Variants in ATXN1 observed in about 807,000 individuals in gnomAD.
ATXN1 encodes the protein ataxin 1.
ATXN1 carries 8 observed loss-of-function variants against 56.4 expected under a neutral mutation model. That is an observed-to-expected ratio of 0.14 (90% CI 0.08 to 0.26). The LOEUF (loss-of-function observed/expected upper bound fraction) is 0.26. Among genes scored for constraint, ATXN1 ranks in the 10% least tolerant of loss-of-function variants. ATXN1 has a pLI of 1.00. For synonymous variants in ATXN1, 514 were observed against 494.6 expected, an observed-to-expected ratio of 1.04 and a Z score of -0.52; for missense variants, 987 against 1,106.5, an observed-to-expected ratio of 0.89 and a Z score of 1.53.
rs1395417495 is a variant in ATXN1, at chr6:16,306,676, C to T, written c.2101G>A (p.Val701Met). 2.5e-6 allele frequency: 4 copies of T among 1,614,074 alleles called. No homozygotes were observed. The highest frequency in any genetic ancestry group is 1.1e-5 in the South Asian group (1 of 91,096). The stretch of plus-strand genomic sequence containing the variant: ...TTCAGCAGGACGCTGGCGGGATCCA[C>T]GGGCTGGCCCTTTTTAACAGAGCCG... The part of the protein sequence containing the change: ...KNGSVKKGQP[V>M]DPASVLLKHS... The change falls in exon 8 of 8, where the codon GTG becomes ATG. Residue 701 changes from valine to methionine, a missense_variant. By Grantham distance (21) the Val-to-Met change is conservative. This residue lies in a region of ATXN1 where 196 missense variants were observed against 196.7 expected (regional missense o/e 1.00). Transcript: ENST00000436367. The surrounding 1 kb of genome is among the most constrained non-coding windows in gnomAD (Gnocchi z 5.2).
At chr6:16,609,947 AT>A (rs971110348) in intron 3 of ATXN1, among the ~76,000 whole-genome samples, 11 of 151,942 alleles carry the variant, frequency 7.2e-5, no homozygotes, top group Non-Finnish European at 1.3e-4. Context: ...AAAAATTAGG[AT>A]TTTTTTTCAA....
Position 16,302,658 on chromosome 6 carries a change from CTTA to C in ATXN1, c.*3668_*3670del, listed in dbSNP as rs1266520108. The C allele has an allele frequency of 1.3e-5, 2 of 152,400 alleles. No individual in the cohort carries two copies. Among genetic ancestry groups the C allele is most frequent in the Non-Finnish European group, 2.9e-5 (2 of 67,988 alleles). The allele number at this position is 152,400 out of a possible 1,614,324, so 9.4% of individuals were successfully genotyped here. On this transcript the variant is annotated 3_prime_UTR_variant, in exon 8 of 8. Coordinates refer to ENST00000436367, the MANE Select transcript of ATXN1 (RefSeq NM_001128164.2). Reference sequence around the variant, plus strand: ...AAGAGAGGTTCTTGTTTGTTGGTTTCTTATTAATAGTATTATTTTTTTCTTTTC... The same window carrying C: ...AAGAGAGGTTCTTGTTTGTTGGTTTCTTAATAGTATTATTTTTTTCTTTTC...
intron 6 of ATXN1, among the ~76,000 whole-genome samples, chr6:16,388,192 C>T (rs9477113): frequency 1.8e-4 from 27 of 152,216 alleles, no homozygotes; most frequent in African/African-American, 5.8e-4. Context: ...TCTGCAGTCA[C>T]GGTGAAAGGG....
intron 6 of ATXN1, among the ~76,000 whole-genome samples, chr6:16,344,340 A>T (rs1317131057): frequency 1.3e-5 from 2 of 152,232 alleles, no homozygotes; most frequent in Admixed American, 6.5e-5. Flanking sequence ...TGAAGGATGC[A>T]AAGTATTATT....
At chr6:16,754,192 T>C (rs570320661) in intron 1 of ATXN1, 1 of 152,334 alleles carries the variant, frequency 6.6e-6, no homozygotes, top group Non-Finnish European at 1.5e-5. Context: ...AATTACCAAT[T>C]ATCCACATTA....
rs111386164 is a variant in ATXN1 at position 16,306,070 on chromosome 6, T to C, written c.*259A>G. On this transcript the variant is annotated 3_prime_UTR_variant, in exon 8 of 8. Transcript: ENST00000436367. This position sits in a 1 kb window ranked among gnomAD's most constrained non-coding sequence, Gnocchi z 5.2. Reference sequence around the variant, plus strand: ...GGCAGGCACTGTGAAGCCCCGTTCCTTTCTTCCCCGGGGATGCCTGGAGCC... The same window carrying C: ...GGCAGGCACTGTGAAGCCCCGTTCCCTTCTTCCCCGGGGATGCCTGGAGCC... 0.039 allele frequency: 14,221 copies of C among 361,704 alleles called. 398 individuals carry two copies. Among genetic ancestry groups the C allele is most frequent in the South Asian group, 0.053 (1,873 of 35,040 alleles). The allele number at this position is 361,704 out of a possible 1,614,324, so 22.4% of individuals were successfully genotyped here. A position where few individuals can be genotyped will look rare whatever the true frequency, so the allele number is the denominator to read the frequency against.
At chr6:16,537,935 T>G (rs1463682795) in intron 4 of ATXN1, among the ~76,000 whole-genome samples, 3 of 152,012 alleles carry the variant, frequency 2.0e-5, no homozygotes, top group African/African-American at 7.3e-5. Flanking sequence ...ATACCCCATC[T>G]CTACTAAAAA....
At chr6:16,665,847 ATTTTG>A (rs532194002) in intron 2 of ATXN1, among the ~76,000 whole-genome samples, 345 of 152,254 alleles carry the variant, frequency 2.3e-3, no homozygotes, top group African/African-American at 7.9e-3. Context: ...TGCATTTTTA[ATTTTG>A]TTTTATTTTT....
intron 6 of ATXN1, among the ~76,000 whole-genome samples, chr6:16,388,334 C>A (rs1758283055): frequency 6.6e-6 from 1 of 152,158 alleles, no homozygotes; most frequent in African/African-American, 2.4e-5. Flanking sequence ...AAATACAGAA[C>A]TTTCCTGAGA....
intron 2 of ATXN1, among the ~76,000 whole-genome samples, chr6:16,744,587 C>T (rs1009642818): frequency 3.3e-5 from 5 of 152,040 alleles, no homozygotes; most frequent in African/African-American, 7.2e-5. Flanking sequence ...GCCAGGAAAC[C>T]GGCACAGGGT....
At chr6:16,400,601 C>T (rs1365757764) in intron 6 of ATXN1, among the ~76,000 whole-genome samples, 1 of 152,212 alleles carries the variant, frequency 6.6e-6, no homozygotes, top group Non-Finnish European at 1.5e-5. Flanking sequence ...GTTCCTGAAC[C>T]TTTTCTACAG....
At chr6:16,447,123 T>A (rs934294405) in intron 6 of ATXN1, among the ~76,000 whole-genome samples, 6 of 152,208 alleles carry the variant, frequency 3.9e-5, no homozygotes, top group Admixed American at 2.0e-4. Flanking sequence ...GTTGAATGAC[T>A]CAGTTTCCCT....
intron 5 of ATXN1, among the ~76,000 whole-genome samples, chr6:16,509,693 C>A (rs953757358): frequency 2.0e-5 from 3 of 152,156 alleles, no homozygotes; most frequent in African/African-American, 7.2e-5. Context: ...CCTACATATA[C>A]ATGCCAGATG....
At chr6:16,307,168 C>G (rs1488149566) in intron 7 of ATXN1, among the ~76,000 whole-genome samples, 1 of 152,186 alleles carries the variant, frequency 6.6e-6, no homozygotes, top group Non-Finnish European at 1.5e-5. Context: ...TCAATCGAAC[C>G]CCAGTAATGA....
intron 3 of ATXN1, among the ~76,000 whole-genome samples, chr6:16,657,553 C>T (rs950814929): frequency 2.0e-5 from 3 of 152,182 alleles, no homozygotes; most frequent in Non-Finnish European, 2.9e-5. Flanking sequence ...CAAATACATT[C>T]TATTCAGATC....
intron 4 of ATXN1, among the ~76,000 whole-genome samples, chr6:16,562,479 AGGAG>A (rs1393013795): frequency 8.2e-4 from 121 of 148,190 alleles, no homozygotes; most frequent in South Asian, 8.0e-3. Flanking sequence ...AGGAGAGGAG[AGGAG>A]AGGAAAGGAA....
intron 1 of ATXN1, among the ~76,000 whole-genome samples, chr6:16,758,615 C>T (rs771149561): frequency 6.6e-6 from 1 of 152,202 alleles, no homozygotes; most frequent in Non-Finnish European, 1.5e-5. Flanking sequence ...GTGCATAAAA[C>T]ACTTGGAGTA....
At chr6:16,732,226 A>G (rs1215648716) in intron 2 of ATXN1, among the ~76,000 whole-genome samples, 1 of 152,106 alleles carries the variant, frequency 6.6e-6, no homozygotes, top group Non-Finnish European at 1.5e-5. Context: ...TCACACTTCA[A>G]TCTCATCGTT....
intron 6 of ATXN1, among the ~76,000 whole-genome samples, chr6:16,355,855 C>T (rs1260518426): frequency 1.3e-5 from 2 of 152,044 alleles, no homozygotes; most frequent in South Asian, 2.1e-4. Context: ...TGAGGCACCA[C>T]GCCCAGCCCC....
Sources: gnomAD v4.1 joint callset for allele counts (sites outside exome capture counted in the v4.1 genomes callset) on GRCh38, gnomAD v4.1.1 for gene constraint, gnomAD v4.1.1 regional missense constraint, Gnocchi (gnomAD v3.1) non-coding constraint, MANE v1.5 for transcripts, NCBI Gene and HGNC (gene_info 2026-07-23, HGNC 2026-07-21) for gene names.